The following CLIP4 variants were observed in gnomAD, a reference collection of about 807,000 sequenced individuals.
CLIP4 encodes CAP-Gly domain-containing linker protein 4.
CLIP4 carries 47 observed loss-of-function variants against 73.1 expected under a neutral mutation model. That is an observed-to-expected ratio of 0.64 (90% confidence interval 0.51 to 0.82). The LOEUF is 0.82. CLIP4 is among the 40% of genes least tolerant of loss of function. CLIP4 has a pLI of 0.00. For missense variants in CLIP4, 874 were observed against 852.9 expected (o/e 1.02, Z -0.31); for synonymous variants, 306 against 295.4 (o/e 1.04, Z -0.37).
Position 29,181,935 on chromosome 2 carries a change from G to T in CLIP4, c.*42G>T, listed in dbSNP as rs571649344. The T allele has an allele frequency of 6.8e-7, 1 of 1,464,290 alleles. No individual in the cohort carries two copies. Among genetic ancestry groups the T allele is most frequent in the South Asian group, 1.3e-5 (1 of 74,578 alleles). The allele number at this position is 1,464,290 out of a possible 1,614,324, so 90.7% of individuals were successfully genotyped here. A position where few individuals can be genotyped will look rare whatever the true frequency, so the allele number is the denominator to read the frequency against. ...ATAAGCTCAAATATATATATTTGGT[G>T]TAAATAAAGAGTCCATGGTAAATGG... On this transcript the variant is annotated 3_prime_UTR_variant, in exon 16 of 16. Coordinates refer to ENST00000320081, the MANE Select transcript of CLIP4 (RefSeq NM_024692.6).
At chr2:29,155,596 T>C (rs754696325) in intron 9 of CLIP4, among the ~76,000 whole-genome samples, 1 of 152,198 alleles carries the variant, frequency 6.6e-6, no homozygotes, top group African/African-American at 2.4e-5. Context: ...ATAAAAACTT[T>C]AAAGAAAATA....
chr2:29,167,653 G>T lies in CLIP4; in HGVS notation c.1723+113G>T, dbSNP rs1460330440. 8.9e-6 allele frequency: 6 copies of T among 674,614 alleles called. No individual in the cohort carries two copies. In the African/African-American group the frequency reaches 9.4e-5, roughly 11 times the overall value. 41.8% of individuals were successfully genotyped at this position (674,614 alleles called of 1,614,324 possible). A position where few individuals can be genotyped will look rare whatever the true frequency, so the allele number is the denominator to read the frequency against. ...AGGGTCTATAAACTGTATTTGTATA[G>T]TTTTTGTAATAATAGAACAAACATC... On this transcript the variant is annotated intron_variant, in intron 14 of 15. Coordinates refer to ENST00000320081, the MANE Select transcript of CLIP4 (RefSeq NM_024692.6).
intron 13 of CLIP4, among the ~76,000 whole-genome samples, chr2:29,164,422 G>C (rs571882476): frequency 1.3e-5 from 2 of 152,142 alleles, no homozygotes; most frequent in African/African-American, 4.8e-5. Context: ...AGATCTTTGG[G>C]GGAAGTGAAA....
chr2:29,178,978 A>G (rs1668500705), intron 15 of CLIP4, among the ~76,000 whole-genome samples: 1 of 152,090 alleles, frequency 6.6e-6, no homozygotes, highest in South Asian at 2.1e-4. Context: ...TATTTTTTGT[A>G]CAGCCAGGGT....
intron 6 of CLIP4, among the ~76,000 whole-genome samples, chr2:29,141,716 T>C (rs943505341): frequency 7.2e-5 from 11 of 152,192 alleles, no homozygotes; most frequent in Admixed American, 5.9e-4. Context: ...ACCTGTGCAA[T>C]AGGTATCTTG....
Position 29,165,939 on chromosome 2 carries a change from T to C in CLIP4, c.1659-1537T>C, listed in dbSNP as rs72790252. Among the ~76,000 whole-genome samples, 514 of 149,402 alleles carry C rather than the reference T, an allele frequency of 3.4e-3. 2 individuals are homozygous for C. The highest frequency in any genetic ancestry group is 6.4e-3 in the Non-Finnish European group (434 of 67,628). On this transcript the variant is annotated intron_variant, in intron 13 of 15. Coordinates refer to ENST00000320081, the MANE Select transcript of CLIP4 (RefSeq NM_024692.6). ...TGATTGCCTTCTATTTGGTTTTCTT[T>C]AAGGTGGTGCATTTAAAAAGCAGCC...
chr2:29,133,855 A>G lies in CLIP4; in HGVS notation c.529+39A>G, dbSNP rs185467692. On this transcript the variant is annotated intron_variant, in intron 5 of 15. Coordinates refer to ENST00000320081, the MANE Select transcript of CLIP4 (RefSeq NM_024692.6). Reference sequence around the variant, plus strand: ...GATCACCTTTAGATATTATTAACTGAACACTTTAGTGGTGGCATAAAAATT... The same window carrying G: ...GATCACCTTTAGATATTATTAACTGGACACTTTAGTGGTGGCATAAAAATT... The G allele has an allele frequency of 1.8e-4, 276 of 1,498,322 alleles. No homozygotes were observed. The African/African-American group carries it at 3.2e-3, about 17-fold the overall frequency. The allele number at this position is 1,498,322 out of a possible 1,614,324, so 92.8% of individuals were successfully genotyped here. A position where few individuals can be genotyped will look rare whatever the true frequency, so the allele number is the denominator to read the frequency against.
intron 6 of CLIP4, among the ~76,000 whole-genome samples, chr2:29,137,896 A>T (rs1173107704): frequency 6.6e-6 from 1 of 151,742 alleles, no homozygotes; most frequent in Non-Finnish European, 1.5e-5. Flanking sequence ...TTCCTTATAG[A>T]TTCTGGATAT....
chr2:29,098,790 A>G (rs2148427627), intron 1 of CLIP4, among the ~76,000 whole-genome samples: 1 of 152,368 alleles, frequency 6.6e-6, no homozygotes, highest in East Asian at 1.9e-4. Context: ...CTGCCAAGTG[A>G]TGTTCCACAG....
At chr2:29,118,213 C>A (rs1369542721) in intron 1 of CLIP4, 1 of 152,290 alleles carries the variant, frequency 6.6e-6, no homozygotes, top group East Asian at 1.9e-4. Flanking sequence ...TGAACCATAT[C>A]TCAAATCTGA....
At chr2:29,112,913 C>A (rs896938230), upstream of CLIP4, among the ~76,000 whole-genome samples, 1 of 152,198 alleles carries the variant, frequency 6.6e-6, no homozygotes, top group Admixed American at 6.5e-5. Flanking sequence ...TCCTCTAACC[C>A]TTTTATCATG....
chr2:29,138,140 T>A (rs1459727028), intron 6 of CLIP4, among the ~76,000 whole-genome samples: 1 of 152,168 alleles, frequency 6.6e-6, no homozygotes, highest in Non-Finnish European at 1.5e-5. Context: ...TAGTTCGAGG[T>A]CTTACATTTA....
intron 8 of CLIP4, among the ~76,000 whole-genome samples, chr2:29,152,077 C>G (rs1666610287): frequency 6.6e-6 from 1 of 152,082 alleles, no homozygotes; most frequent in African/African-American, 2.4e-5. Context: ...GTGTAACACA[C>G]TGTAATTAGG....
intron 11 of CLIP4, 123 bp from the exon 12 acceptor site, chr2:29,160,210 C>A: frequency 8.4e-7 from 1 of 1,191,706 alleles, no homozygotes; most frequent in Non-Finnish European, 1.2e-6. Context: ...AAATCACCAA[C>A]TAACTAGACT....
chr2:29,138,593 T>A (rs190189312), intron 6 of CLIP4, among the ~76,000 whole-genome samples: 49 of 152,246 alleles, frequency 3.2e-4, no homozygotes, highest in Non-Finnish European at 5.9e-4. Context: ...TGTCAATTGC[T>A]TTGGGCAATG....
intron 13 of CLIP4, among the ~76,000 whole-genome samples, chr2:29,165,254 C>G (rs1399234590): frequency 1.2e-5 from 1 of 83,194 alleles, no homozygotes; most frequent in Non-Finnish European, 2.4e-5. Context: ...TTTGTTCTTT[C>G]TTTCTTTCTT....
At chr2:29,104,266 C>CT (rs1340135623) in intron 1 of CLIP4, among the ~76,000 whole-genome samples, 1 of 151,694 alleles carries the variant, frequency 6.6e-6, no homozygotes, top group African/African-American at 2.4e-5. Flanking sequence ...AATCTCTTTT[C>CT]TAGGGTCTCT....
At chr2:29,137,599 T>A (rs146800046) in intron 6 of CLIP4, among the ~76,000 whole-genome samples, 1 of 152,228 alleles carries the variant, frequency 6.6e-6, no homozygotes, top group South Asian at 2.1e-4. Flanking sequence ...ATCTCCACAT[T>A]GCTTTCCACA....
At chr2:29,168,792 G>A (rs1667804494) in intron 14 of CLIP4, among the ~76,000 whole-genome samples, 1 of 151,630 alleles carries the variant, frequency 6.6e-6, no homozygotes, top group South Asian at 2.1e-4. Context: ...AAAGTGCTGG[G>A]ATTACAGGTG....
Sources: gnomAD v4.1 joint callset for allele counts (sites outside exome capture counted in the v4.1 genomes callset) on GRCh38, gnomAD v4.1.1 for gene constraint, MANE v1.5 for transcripts, NCBI Gene and HGNC (gene_info 2026-07-23, HGNC 2026-07-21) for gene names.